PCDH15: variants seen among roughly 807,000 people sequenced by gnomAD.
PCDH15 encodes protocadherin related 15.
PCDH15 carries 129 observed loss-of-function variants against 178.5 expected under a neutral mutation model. The observed-to-expected ratio is 0.72, with a 90% CI of 0.63 to 0.84. PCDH15 has a LOEUF of 0.84. PCDH15 is among the 40% of genes least tolerant of loss of function. PCDH15 has a pLI of 0.00. For synonymous variants in PCDH15, 800 were observed against 732.0 expected (o/e 1.09, Z -1.50); for missense variants, 2,230 against 2,099.9 (o/e 1.06, Z -1.21).
Position 54,350,842 on chromosome 10 carries a change from G to A in PCDH15, c.475-4358C>T, listed in dbSNP as rs920387334. On this transcript the variant is annotated intron_variant, in intron 5 of 37. Coordinates refer to ENST00000644397, the MANE Select transcript of PCDH15 (RefSeq NM_001384140.1). ...AATAGGCCTGGACACGGTGGCTAAC[G>A]CCTGTAATCCCAACAATTTGGGAGG... Among the ~76,000 whole-genome samples the A allele has an allele frequency of 5.3e-5, 8 of 152,082 alleles. No homozygotes were observed. In the East Asian group the frequency reaches 5.8e-4, roughly 11 times the overall value.
At chr10:55,336,908 A>G (rs772433348) in intron 2 of PCDH15, among the ~76,000 whole-genome samples, 1 of 152,122 alleles carries the variant, frequency 6.6e-6, no homozygotes, top group Non-Finnish European at 1.5e-5. Context: ...GAACCTAGCA[A>G]TTGGTGAGGA....
At chr10:55,066,844 G>A (rs893301119) in intron 2 of PCDH15, among the ~76,000 whole-genome samples, 6 of 151,136 alleles carry the variant, frequency 4.0e-5, no homozygotes, top group Non-Finnish European at 7.4e-5. Context: ...AAGTTCTAAT[G>A]TTCGATAGCA....
At chr10:55,444,635 A>G (rs1011885757) in intron 2 of PCDH15, among the ~76,000 whole-genome samples, 3 of 152,162 alleles carry the variant, frequency 2.0e-5, no homozygotes, top group African/African-American at 7.2e-5. Context: ...GAAATTGCCA[A>G]AGTTTATTAG....
At chr10:55,606,913 A>C (rs1206236490) in intron 2 of PCDH15, among the ~76,000 whole-genome samples, 12 of 147,664 alleles carry the variant, frequency 8.1e-5, no homozygotes, top group South Asian at 6.6e-4. Flanking sequence ...TAATTAAACT[A>C]AAGAGCTTCT....
At chr10:54,835,232 T>G (rs1330100535) in intron 3 of PCDH15, among the ~76,000 whole-genome samples, 1 of 152,174 alleles carries the variant, frequency 6.6e-6, no homozygotes, top group Non-Finnish European at 1.5e-5. Context: ...CATATCTTCA[T>G]GGTCGCAATG....
chr10:55,331,464 T>C (rs191146287), intron 2 of PCDH15, among the ~76,000 whole-genome samples: 130 of 152,146 alleles, frequency 8.5e-4, no homozygotes, highest in African/African-American at 2.9e-3. Flanking sequence ...AGGAATGATA[T>C]GTATCTGTCC....
At chr10:55,042,051 C>T (rs1176772445) in intron 2 of PCDH15, among the ~76,000 whole-genome samples, 10 of 151,990 alleles carry the variant, frequency 6.6e-5, no homozygotes, top group South Asian at 2.1e-4. Flanking sequence ...AGATACAAGG[C>T]GGGAAGAGTT....
intron 1 of PCDH15, among the ~76,000 whole-genome samples, chr10:54,679,115 A>G (rs4935539): frequency 0.86 from 123,920 of 144,072 alleles, 53,752 homozygotes; most frequent in Middle Eastern, 0.92. Context: ...GCGTGAACCC[A>G]GGAGGCGGAG....
At chr10:55,605,339 C>T (rs543908488) in intron 2 of PCDH15, among the ~76,000 whole-genome samples, 1 of 152,012 alleles carries the variant, frequency 6.6e-6, no homozygotes, top group Non-Finnish European at 1.5e-5. Flanking sequence ...TGGTACCATT[C>T]CTTCTGAAAC....
chr10:55,416,853 C>G (rs1838495926), intron 2 of PCDH15, among the ~76,000 whole-genome samples: 1 of 151,698 alleles, frequency 6.6e-6, no homozygotes, highest in Non-Finnish European at 1.5e-5. Context: ...AACAAAATTC[C>G]TATATTTTCT....
At chr10:55,277,468 T>G (rs1842622394) in intron 1 of PCDH15, among the ~76,000 whole-genome samples, 1 of 152,060 alleles carries the variant, frequency 6.6e-6, no homozygotes, top group South Asian at 2.1e-4. Flanking sequence ...TTGTAAATAC[T>G]TACAAAAATT....
intron 2 of PCDH15, among the ~76,000 whole-genome samples, chr10:54,540,390 C>T (rs550219634): frequency 6.6e-6 from 1 of 152,152 alleles, no homozygotes; most frequent in Admixed American, 6.5e-5. Context: ...CCTGTGTTCA[C>T]ACAAACTAGA....
At chr10:53,914,171 T>TG (rs1370987507) in intron 25 of PCDH15, among the ~76,000 whole-genome samples, 1 of 152,080 alleles carries the variant, frequency 6.6e-6, no homozygotes, top group African/African-American at 2.4e-5. Context: ...TGGTGGGAGT[T>TG]TAAACTAGTT....
At chr10:55,600,899 A>G (rs1843062265) in intron 2 of PCDH15, among the ~76,000 whole-genome samples, 1 of 151,902 alleles carries the variant, frequency 6.6e-6, no homozygotes, top group South Asian at 2.1e-4. Flanking sequence ...TTATTTATTT[A>G]TTTTTGGCTC....
At chr10:54,811,438 T>C (rs1341981975) in intron 3 of PCDH15, among the ~76,000 whole-genome samples, 1 of 152,164 alleles carries the variant, frequency 6.6e-6, no homozygotes, top group Non-Finnish European at 1.5e-5. Context: ...AGTACAACCA[T>C]CGCTAATTCA....
rs184513327 is a variant in PCDH15 at position 54,134,519 on chromosome 10, C to T, written c.1785-1512G>A. Among the ~76,000 whole-genome samples, 16 of 151,742 alleles carry T rather than the reference C, an allele frequency of 1.1e-4. No homozygotes were observed. The East Asian group carries it at 1.6e-3, about 15-fold the overall frequency. On this transcript the variant is annotated intron_variant, in intron 14 of 37. Transcript: ENST00000644397. The stretch of plus-strand genomic sequence containing the variant: ...CTGTAATCCCAGCACTTTGGGAGGC[C>T]GAGGCAGGTGGATCATGCGGTCAGG...
intron 1 of PCDH15, among the ~76,000 whole-genome samples, chr10:55,216,618 A>G (rs946447808): frequency 6.6e-6 from 1 of 151,872 alleles, no homozygotes; most frequent in Non-Finnish European, 1.5e-5. Flanking sequence ...AAAAAAAATG[A>G]TAAATGTTTA....
Position 53,822,761 on chromosome 10 carries a change from A to C in PCDH15, c.4368-2531T>G, listed in dbSNP as rs1007918323. 2.5e-6 allele frequency: 4 copies of C among 1,613,960 alleles called. No individual in the cohort carries two copies. Among genetic ancestry groups the C allele is most frequent in the Non-Finnish European group, 3.4e-6 (4 of 1,179,964 alleles). ...AGCAAAATGAAGAGTCTGAAGAGAG[A>C]GATTTCAACTGTTCTGTTCCTTCTA... is the stretch of plus-strand genomic sequence containing the variant. On this transcript the variant is annotated intron_variant, in intron 32 of 37. Coordinates refer to ENST00000644397, the MANE Select transcript of PCDH15 (RefSeq NM_001384140.1).
At chr10:55,223,410 G>C (rs1016774603) in intron 1 of PCDH15, among the ~76,000 whole-genome samples, 10 of 152,020 alleles carry the variant, frequency 6.6e-5, no homozygotes, top group African/African-American at 2.4e-4. Context: ...ATTTTGGTTT[G>C]TTTTGTACTC....
Sources: allele counts gnomAD v4.1 joint callset (sites outside exome capture counted in the v4.1 genomes callset), GRCh38; gene constraint gnomAD v4.1.1; transcripts MANE v1.5; gene names NCBI Gene and HGNC (gene_info 2026-07-23, HGNC 2026-07-21).